CTNNA3: variants seen among roughly 807,000 people sequenced by gnomAD.
CTNNA3 encodes catenin alpha-3.
In CTNNA3, 76 loss-of-function variants were observed where a neutral mutation model predicts 95.7. The observed-to-expected ratio is 0.79, with a 90% CI of 0.66 to 0.96. CTNNA3 has a LOEUF of 0.96. Among genes scored for constraint, CTNNA3 ranks in the 40% least tolerant of loss-of-function variants. The pLI is 0.00. For synonymous variants in CTNNA3, 431 were observed against 374.4 expected, an observed-to-expected ratio of 1.15 and a Z score of -1.74; for missense variants, 1,191 against 1,089.8, an observed-to-expected ratio of 1.09 and a Z score of -1.31.
intron 7 of CTNNA3, among the ~76,000 whole-genome samples, chr10:67,176,240 G>C (rs1326997081): frequency 1.3e-5 from 2 of 152,086 alleles, no homozygotes; most frequent in African/African-American, 2.4e-5. Context: ...TGCAAAATAA[G>C]ACCTTTTATA....
At chr10:65,983,452 T>C (rs1359921406) in intron 16 of CTNNA3, among the ~76,000 whole-genome samples, 1 of 151,534 alleles carries the variant, frequency 6.6e-6, no homozygotes, top group African/African-American at 2.4e-5. Context: ...TATCTGCTAA[T>C]ATGATTAATT....
chr10:67,332,967 T>C (rs1841855166), intron 5 of CTNNA3, among the ~76,000 whole-genome samples: 1 of 152,172 alleles, frequency 6.6e-6, no homozygotes, highest in East Asian at 1.9e-4. Context: ...AGATCCCCTA[T>C]GATTCACACA....
chr10:67,353,254 G>A lies in CTNNA3; in HGVS notation c.580-133384C>T, dbSNP rs1361979443. 3.3e-5 allele frequency among the ~76,000 whole-genome samples: 5 copies of A among 151,942 alleles called. No individual in the cohort carries two copies. In the East Asian group the frequency reaches 5.8e-4, roughly 18 times the overall value. On this transcript the variant is annotated intron_variant, in intron 5 of 17. Coordinates refer to ENST00000433211, the MANE Select transcript of CTNNA3 (RefSeq NM_013266.4). ...TCAATCCCACTGCATGCTAAAATTC[G>A]GGGGCACCACTCTGAGACTCTGTTT...
chr10:67,256,970 T>C (rs1234008143), intron 5 of CTNNA3, among the ~76,000 whole-genome samples: 3 of 152,176 alleles, frequency 2.0e-5, no homozygotes, highest in Non-Finnish European at 4.4e-5. Context: ...ATGTCTTCCT[T>C]TAAATAAAAA....
intron 14 of CTNNA3, among the ~76,000 whole-genome samples, chr10:66,087,867 A>C (rs909313321): frequency 2.6e-5 from 4 of 152,236 alleles, no homozygotes; most frequent in Non-Finnish European, 2.9e-5. Context: ...GAAATGAAAG[A>C]ATATTTAGCC....
intron 14 of CTNNA3, among the ~76,000 whole-genome samples, chr10:66,084,135 C>CAAAAAAAA (rs200266418): frequency 5.0e-5 from 4 of 80,072 alleles, no homozygotes; most frequent in South Asian, 4.4e-4. Flanking sequence ...AACTTCATCT[C>CAAAAAAAA]AAAAAAAAAA....
intron 7 of CTNNA3, among the ~76,000 whole-genome samples, chr10:66,931,232 C>T (rs1386807238): frequency 7.9e-6 from 1 of 126,994 alleles, no homozygotes; most frequent in African/African-American, 2.9e-5. Flanking sequence ...TTGAACTATA[C>T]AACAGAACAC....
intron 7 of CTNNA3, among the ~76,000 whole-genome samples, chr10:66,860,575 G>A (rs1443924546): frequency 6.6e-6 from 1 of 152,098 alleles, no homozygotes; most frequent in African/African-American, 2.4e-5. Context: ...GTCTACTCAG[G>A]TGCTTGTGTT....
rs997824056 is a variant in CTNNA3 at position 67,025,052 on chromosome 10, C to T, written c.1047+155265G>A. Among the ~76,000 whole-genome samples, 4 of 149,794 alleles carry T rather than the reference C, an allele frequency of 2.7e-5. No individual in the cohort carries two copies. The Admixed American group carries it at 2.7e-4, about 10-fold the overall frequency. On this transcript the variant is annotated intron_variant, in intron 7 of 17. Coordinates refer to ENST00000433211, the MANE Select transcript of CTNNA3 (RefSeq NM_013266.4). ...GGCTGAGGCAGGAGAATCACTTGAACCCAGGAGCGGAGGTTGCGGTGAGCC... is the reference window on the plus strand; with the variant it reads ...GGCTGAGGCAGGAGAATCACTTGAATCCAGGAGCGGAGGTTGCGGTGAGCC...
intron 13 of CTNNA3, among the ~76,000 whole-genome samples, chr10:66,270,226 G>GTTT (rs1564829226): frequency 8.7e-6 from 1 of 114,332 alleles, no homozygotes; most frequent in African/African-American, 3.1e-5. Context: ...ACATTTTTTG[G>GTTT]GGGGGGGGGC....
intron 7 of CTNNA3, among the ~76,000 whole-genome samples, chr10:67,137,633 A>T (rs916332327): frequency 6.6e-6 from 1 of 152,190 alleles, no homozygotes; most frequent in Admixed American, 6.5e-5. Flanking sequence ...ACACACATAC[A>T]TCTTTTCTCT....
At chr10:67,713,672 A>C (rs1352185298) in intron 1 of CTNNA3, among the ~76,000 whole-genome samples, 1 of 152,222 alleles carries the variant, frequency 6.6e-6, no homozygotes, top group Non-Finnish European at 1.5e-5. Context: ...ATTGTCAGCA[A>C]ACTAACACAG....
intron 15 of CTNNA3, among the ~76,000 whole-genome samples, chr10:66,025,210 G>A (rs2079310927): frequency 6.6e-6 from 1 of 152,204 alleles, no homozygotes; most frequent in South Asian, 2.1e-4. Context: ...CTCTCAGTTG[G>A]TTAGAGCATT....
chr10:66,285,663 A>G (rs2091573569), intron 12 of CTNNA3, among the ~76,000 whole-genome samples: 1 of 151,638 alleles, frequency 6.6e-6, no homozygotes, highest in Admixed American at 6.6e-5. Flanking sequence ...TATAAATTTT[A>G]TTTATTTTAA....
intron 15 of CTNNA3, among the ~76,000 whole-genome samples, chr10:66,001,753 G>A (rs987427326): frequency 6.6e-6 from 1 of 151,444 alleles, no homozygotes; most frequent in African/African-American, 2.4e-5. Context: ...ATTTTTTACT[G>A]TTCTTAAGGT....
chr10:66,622,835 C>G (rs528286732), intron 9 of CTNNA3, among the ~76,000 whole-genome samples: 1 of 152,070 alleles, frequency 6.6e-6, no homozygotes, highest in African/African-American at 2.4e-5. Context: ...TTTAAAAGTA[C>G]CACAAAATGT....
At chr10:66,638,055 A>G (rs1845394793) in intron 9 of CTNNA3, among the ~76,000 whole-genome samples, 1 of 152,136 alleles carries the variant, frequency 6.6e-6, no homozygotes, top group Non-Finnish European at 1.5e-5. Flanking sequence ...ATCACCTTCC[A>G]CCACTGGAAG....
chr10:65,973,629 A>T lies in CTNNA3; in HGVS notation c.2266-6883T>A, dbSNP rs557195661. On this transcript the variant is annotated intron_variant, in intron 16 of 17. Transcript: ENST00000433211. ...TTTAATTGGCTCGTGGTTCTGCAGG[A>T]TATACAAGCATTGCGTTGGCATCCA... Among the ~76,000 whole-genome samples, 4 of 152,246 alleles carry T rather than the reference A, an allele frequency of 2.6e-5. No individual in the cohort carries two copies. In the South Asian group the frequency reaches 6.2e-4, roughly 24 times the overall value.
intron 5 of CTNNA3, among the ~76,000 whole-genome samples, chr10:67,435,772 C>T (rs535442458): frequency 5.9e-5 from 9 of 151,866 alleles, no homozygotes; most frequent in African/African-American, 1.7e-4. Context: ...ACAAAGCAGT[C>T]GAAAGACCTA....
Sources: allele counts gnomAD v4.1 joint callset (sites outside exome capture counted in the v4.1 genomes callset), GRCh38; gene constraint gnomAD v4.1.1; transcripts MANE v1.5; gene names NCBI Gene and HGNC (gene_info 2026-07-23, HGNC 2026-07-21).